The following NBPF12 variants were observed in gnomAD, a reference collection of about 807,000 sequenced individuals.
The protein encoded by NBPF12 is NBPF member 12, also known as NBPF family member NBPF12.
NBPF12 carries 115 observed loss-of-function variants against 146.4 expected under a neutral mutation model. The ratio of observed to expected loss-of-function variants is 0.79; its 90% CI spans 0.68 to 0.92. NBPF12 has a LOEUF of 0.92. NBPF12 is among the 40% of genes least tolerant of loss of function. The pLI, the probability that NBPF12 is intolerant of heterozygous loss-of-function variation, is 0.00. For missense variants in NBPF12, 1,205 were observed against 1,326.8 expected, an observed-to-expected ratio of 0.91 and a Z score of 1.43; for synonymous variants, 385 against 508.9, an observed-to-expected ratio of 0.76 and a Z score of 3.28.
At chr1:146,977,297 G>T (rs1553887518) in intron 17 of NBPF12, among the ~76,000 whole-genome samples, 169 bp from the exon 21 acceptor site, 3 of 148,864 alleles carry the variant, frequency 2.0e-5, no homozygotes, top group Non-Finnish European at 4.4e-5. Flanking sequence ...TGGCAGCCGT[G>T]CTCTGTTGCA....
intron 1 of NBPF12, among the ~76,000 whole-genome samples, chr1:146,939,253 G>A (rs1169864229): frequency 1.3e-5 from 2 of 152,096 alleles, no homozygotes; most frequent in African/African-American, 2.4e-5. Flanking sequence ...GGGGGTGGAG[G>A]GACGGAGCAG....
At chr1:146,946,024 C>G (rs1169245379), upstream of NBPF12, among the ~76,000 whole-genome samples, 3 of 151,826 alleles carry the variant, frequency 2.0e-5, no homozygotes, top group African/African-American at 7.3e-5. Flanking sequence ...CAAGAATGTC[C>G]TAGAGTTGGA....
rs587762314 is a variant in NBPF12 at position 146,994,239 on chromosome 1, T to C, written c.4131-93T>C. On this transcript the variant is annotated intron_variant, in intron 33 of 33. Transcript: ENST00000617844. ...TAATGGATCTGTCCTTTTTCTTTTC[T>C]AACCACTTCCTTATGTTACTTCTGA... 5.0e-6 allele frequency: 8 copies of C among 1,609,122 alleles called. No individual in the cohort carries two copies. In the South Asian group the frequency reaches 8.8e-5, roughly 18 times the overall value.
Position 146,940,304 on chromosome 1 carries a change from A to G in NBPF12, c.-822+1322A>G, listed in dbSNP as rs1654741045. On this transcript the variant is annotated intron_variant, in intron 1 of 35. Coordinates refer to the NBPF12 transcript ENST00000617931. ...CTGAAGTATACAGAAGAAGTTCACA[A>G]TTTTAAACGTGCAGGTGATCTGGGC... Among the ~76,000 whole-genome samples, 3 of 152,082 alleles carry G rather than the reference A, an allele frequency of 2.0e-5. No individual in the cohort carries two copies. In the South Asian group the frequency reaches 6.2e-4, roughly 32 times the overall value.
intron 2 of NBPF12, among the ~76,000 whole-genome samples, chr1:146,955,027 C>CACAT (rs1434115695): frequency 1.1e-5 from 1 of 91,434 alleles, no homozygotes; most frequent in Non-Finnish European, 2.2e-5. Context: ...CACACACACA[C>CACAT]ATATATATAT....
intron 2 of NBPF12, 186 bp downstream of exon 5, chr1:146,951,675 T>C: frequency 5.9e-6 from 3 of 508,526 alleles, no homozygotes; most frequent in Non-Finnish European, 7.0e-6. Context: ...AATAATTTTA[T>C]GGGCATTCTT....
At chr1:146,972,709 T>C (rs1553886746) in intron 13 of NBPF12, 42 bp from the exon 17 acceptor site, 100 of 1,388,120 alleles carry the variant, frequency 7.2e-5, no homozygotes, top group Middle Eastern at 2.5e-4. Context: ...TTTCATTTCA[T>C]CAGTTTTTAA....
At chr1:146,967,950 T>A (rs1322663937) in intron 9 of NBPF12, among the ~76,000 whole-genome samples, 16 of 145,242 alleles carry the variant, frequency 1.1e-4, no homozygotes, top group African/African-American at 3.9e-4. Flanking sequence ...CAGATATGAT[T>A]CTTAAAATCA....
chr1:146,968,659 A>C (rs1656363262), intron 10 of NBPF12, 109 bp downstream of exon 13: 1 of 991,532 alleles, frequency 1.0e-6, no homozygotes, highest in East Asian at 2.4e-5. Flanking sequence ...GAAGGGCAGG[A>C]ATTGCCATGG....
chr1:146,953,634 AAAAC>A (rs1486462804), intron 2 of NBPF12, among the ~76,000 whole-genome samples: 1 of 140,862 alleles, frequency 7.1e-6, no homozygotes, highest in African/African-American at 2.7e-5. Context: ...ATGATTTATA[AAAAC>A]AAACCCCAGA....
intron 19 of NBPF12, among the ~76,000 whole-genome samples, chr1:146,981,275 A>AT (rs1447034726): frequency 3.9e-5 from 2 of 51,558 alleles, no homozygotes; most frequent in Non-Finnish European, 7.2e-5. Flanking sequence ...GACTTAAAGT[A>AT]TTAAAAAAAA....
Position 146,994,476 on chromosome 1 carries a change from G to A in NBPF12, c.4275G>A (p.Gln1425=), listed in dbSNP as rs782559775. 5.2e-4 allele frequency: 831 copies of A among 1,609,150 alleles called. 7 individuals carry two copies. The African/African-American group carries it at 9.2e-3, about 18-fold the overall frequency. Residue 1425 remains glutamine (Q), a synonymous_variant, in exon 34 of 34, where the codon CAG becomes CAA. Coordinates refer to ENST00000617844, the Ensembl canonical transcript of NBPF12. ...GTGTGTTTTACTCATTTGAGGAACA[G>A]CACATCACCTTTGCCCTTGACATGG...
chr1:146,995,760 C>G (rs1245194554), exon 34 of NBPF12: 1 of 150,304 alleles, frequency 6.7e-6, no homozygotes, highest in African/African-American at 2.5e-5. Context: ...GATATCAGGA[C>G]TGGTTACTTG....
At chr1:146,974,880 T>C (rs1468734550) in intron 15 of NBPF12, 39 bp downstream of exon 18, 3 of 1,187,698 alleles carry the variant, frequency 2.5e-6, no homozygotes, top group Non-Finnish European at 3.5e-6. Context: ...GGGGCAGGTG[T>C]GTAAATCTCT....
chr1:146,970,750 G>T lies in NBPF12; in HGVS notation c.1379+31G>T, dbSNP rs1265671487. 5 of 1,298,070 alleles carry T rather than the reference G, an allele frequency of 3.9e-6. No individual in the cohort carries two copies. In the South Asian group the frequency reaches 4.7e-5, roughly 12 times the overall value. The allele number at this position is 1,298,070 out of a possible 1,614,324, so 80.4% of individuals were successfully genotyped here. On this transcript the variant is annotated intron_variant, in intron 12 of 33. Coordinates refer to ENST00000617844, the Ensembl canonical transcript of NBPF12. ...ACTGAATACTCAGGAGCAAGTAATG[G>T]GTGTTAACATATGAAAATGTCTAGG...
chr1:146,938,654 C>T (rs1467699690), upstream of NBPF12: 3 of 152,142 alleles, frequency 2.0e-5, no homozygotes, highest in African/African-American at 7.3e-5. Flanking sequence ...TCTCCGCCCG[C>T]GGCCCGAACC....
At chr1:146,947,028 C>G (rs1247888099), upstream of NBPF12, among the ~76,000 whole-genome samples, 1 of 151,920 alleles carries the variant, frequency 6.6e-6, no homozygotes, top group Non-Finnish European at 1.5e-5. Flanking sequence ...TTCCATGCAT[C>G]TATTTGTGTG....
intron 12 of NBPF12, among the ~76,000 whole-genome samples, chr1:146,970,966 C>A (rs1656572030): frequency 6.6e-6 from 1 of 151,370 alleles, no homozygotes. Context: ...TTGTCCAGTG[C>A]ACTGAACACC....
At chr1:146,976,830 C>T (rs1285928583) in intron 16 of NBPF12, 99 bp from the exon 20 acceptor site, 12 of 561,952 alleles carry the variant, frequency 2.1e-5, no homozygotes, top group East Asian at 6.4e-5. Flanking sequence ...TGAACGGTGA[C>T]CCATGCCTAG....
Sources: gnomAD v4.1 joint callset for allele counts (sites outside exome capture counted in the v4.1 genomes callset) on GRCh38, gnomAD v4.1.1 for gene constraint, MANE v1.5 for transcripts, NCBI Gene and HGNC (gene_info 2026-07-23, HGNC 2026-07-21) for gene names.